Variants in ATP8A2 observed in about 807,000 individuals in gnomAD.
The protein encoded by ATP8A2 is ATPase phospholipid transporting 8A2.
ATP8A2 carries 100 observed loss-of-function variants against 165.6 expected under a neutral mutation model. The ratio of observed to expected loss-of-function variants is 0.60; its 90% CI spans 0.51 to 0.71. The LOEUF is 0.71. Ranked by LOEUF, ATP8A2 falls within the 30% of genes least tolerant of loss-of-function variation. The probability of loss-of-function intolerance (pLI) is 0.00; values close to 1 mark genes in which losing one functional copy is unlikely to be tolerated. For synonymous variants in ATP8A2, 543 were observed against 548.8 expected (o/e 0.99, Z 0.15); for missense variants, 1,227 against 1,479.5 (o/e 0.83, Z 2.80).
chr13:25,703,108 A>T (rs988325375), intron 25 of ATP8A2, among the ~76,000 whole-genome samples: 2 of 151,956 alleles, frequency 1.3e-5, no homozygotes, highest in Non-Finnish European at 2.9e-5. Flanking sequence ...TGAGACAGAG[A>T]CTCGCTCTGT....
At chr13:25,678,855 G>A (rs2042425388) in intron 24 of ATP8A2, among the ~76,000 whole-genome samples, 1 of 152,192 alleles carries the variant, frequency 6.6e-6, no homozygotes, top group Non-Finnish European at 1.5e-5. Context: ...GCTTTGTGGA[G>A]GAAAGCGATG....
intron 24 of ATP8A2, among the ~76,000 whole-genome samples, chr13:25,596,446 C>A (rs2040238404): frequency 6.6e-6 from 1 of 152,160 alleles, no homozygotes; most frequent in Non-Finnish European, 1.5e-5. Context: ...TTCCAGCCCT[C>A]CATATCCCCA....
At chr13:25,892,506 T>TCTCTCTCTCTCTC (rs1953401219) in intron 33 of ATP8A2, among the ~76,000 whole-genome samples, 2 of 113,276 alleles carry the variant, frequency 1.8e-5, no homozygotes, top group African/African-American at 5.5e-5. Flanking sequence ...CTCTCTCTCC[T>TCTCTCTCTCTCTC]TCCACCTGTG....
intron 2 of ATP8A2, among the ~76,000 whole-genome samples, chr13:25,480,979 C>A (rs1472324177): frequency 6.6e-6 from 1 of 152,146 alleles, no homozygotes; most frequent in Non-Finnish European, 1.5e-5. Flanking sequence ...CACAGCGAAA[C>A]CCCGTCTCCA....
intron 1 of ATP8A2, among the ~76,000 whole-genome samples, chr13:25,396,119 G>A (rs1178901593): frequency 1.3e-5 from 2 of 152,200 alleles, no homozygotes; most frequent in African/African-American, 4.8e-5. Context: ...TGAGATTACA[G>A]GTGTGAGCCA....
At chr13:25,418,644 T>C (rs1048981090) in intron 1 of ATP8A2, among the ~76,000 whole-genome samples, 11 of 152,192 alleles carry the variant, frequency 7.2e-5, no homozygotes, top group Admixed American at 2.0e-4. Flanking sequence ...TTCCACAGTA[T>C]GGTGGGAGCA....
chr13:25,612,226 G>C (rs189260668), intron 24 of ATP8A2, among the ~76,000 whole-genome samples: 41 of 152,100 alleles, frequency 2.7e-4, no homozygotes, highest in African/African-American at 9.9e-4. Context: ...TGTGAGCTTA[G>C]ATGGTCTATT....
At chr13:25,882,773 T>G (rs1351981215) in intron 33 of ATP8A2, among the ~76,000 whole-genome samples, 1 of 152,170 alleles carries the variant, frequency 6.6e-6, no homozygotes, top group Non-Finnish European at 1.5e-5. Flanking sequence ...GATGTCTGTT[T>G]TGCAGCTTAA....
At chr13:25,406,675 T>C (rs1593264802) in intron 1 of ATP8A2, among the ~76,000 whole-genome samples, 2 of 152,166 alleles carry the variant, frequency 1.3e-5, no homozygotes. Flanking sequence ...ATGGAGACCA[T>C]GTTTGGGGTT....
Position 26,017,708 on chromosome 13 carries a change from T to G in ATP8A2, c.3470-2180T>G, listed in dbSNP as rs114464481. 4.8e-3 allele frequency among the ~76,000 whole-genome samples: 725 copies of G among 152,306 alleles called. 9 individuals are homozygous for G. Among genetic ancestry groups the G allele is most frequent in the African/African-American group, 0.017 (691 of 41,560 alleles). ...TGTGAAAACTCTAAAGCCCTGAGAA[T>G]CAAAGCACAGCCACCTACCTGGTCA... On this transcript the variant is annotated intron_variant, in intron 36 of 36. Transcript: ENST00000381655.
At chr13:25,470,465 A>G (rs1403117137) in intron 2 of ATP8A2, among the ~76,000 whole-genome samples, 1 of 152,206 alleles carries the variant, frequency 6.6e-6, no homozygotes, top group African/African-American at 2.4e-5. Context: ...TGGTATCCTC[A>G]TGCATTACTG....
chr13:25,379,139 C>T (rs2137916779), intron 1 of ATP8A2, among the ~76,000 whole-genome samples: 1 of 152,234 alleles, frequency 6.6e-6, no homozygotes, highest in African/African-American at 2.4e-5. Flanking sequence ...AGTAAGTGTT[C>T]CTGTCTTGTG....
intron 24 of ATP8A2, among the ~76,000 whole-genome samples, chr13:25,618,575 T>G: frequency 6.6e-6 from 1 of 152,062 alleles, no homozygotes; most frequent in East Asian, 1.9e-4. Flanking sequence ...CAACTTTGTC[T>G]GTTTTAAGCT....
At chr13:25,940,126 TG>T (rs1955031692) in intron 33 of ATP8A2, among the ~76,000 whole-genome samples, 1 of 152,132 alleles carries the variant, frequency 6.6e-6, no homozygotes, top group African/African-American at 2.4e-5. Context: ...TCTCCTTTGC[TG>T]ACTTCCCGTG....
At chr13:26,016,803 G>C (rs570933111) in intron 36 of ATP8A2, among the ~76,000 whole-genome samples, 2 of 152,346 alleles carry the variant, frequency 1.3e-5, no homozygotes, top group South Asian at 4.1e-4. Context: ...GACAGAGGGA[G>C]AGAATCCTGC....
rs370611454 is a variant in ATP8A2, at chr13:25,480,934, A to G, written c.221+11813A>G. Among the ~76,000 whole-genome samples, 50 of 152,158 alleles carry G rather than the reference A, an allele frequency of 3.3e-4. No individual in the cohort carries two copies. In the East Asian group the frequency reaches 6.0e-3, roughly 18 times the overall value. On this transcript the variant is annotated intron_variant, in intron 2 of 36. Coordinates refer to ENST00000381655, the MANE Select transcript of ATP8A2 (RefSeq NM_016529.6). ...CTCCGGAGGCCGAGGCTGGTGGATC[A>G]CTCGCGGTTAGGAGCTGGAGACCAG...
chr13:25,677,943 G>C (rs1460064846), intron 24 of ATP8A2, among the ~76,000 whole-genome samples: 2 of 152,170 alleles, frequency 1.3e-5, no homozygotes, highest in African/African-American at 4.8e-5. Context: ...GAATGAGAGG[G>C]GGTGGGGGAT....
intron 24 of ATP8A2, among the ~76,000 whole-genome samples, chr13:25,626,236 G>A (rs1565991587): frequency 6.6e-6 from 1 of 152,160 alleles, no homozygotes; most frequent in East Asian, 1.9e-4. Flanking sequence ...GCCACAGATT[G>A]GGGTAACTTA....
At chr13:25,848,963 G>A (rs1209179262) in intron 30 of ATP8A2, among the ~76,000 whole-genome samples, 2 of 151,852 alleles carry the variant, frequency 1.3e-5, no homozygotes, top group Non-Finnish European at 2.9e-5. Context: ...TTGGGATGGG[G>A]TGCGCTTCCT....
Sources: gnomAD v4.1 joint callset for allele counts (sites outside exome capture counted in the v4.1 genomes callset) on GRCh38, gnomAD v4.1.1 for gene constraint, MANE v1.5 for transcripts, NCBI Gene and HGNC (gene_info 2026-07-23, HGNC 2026-07-21) for gene names.